The following IQUB variants were observed in gnomAD, a reference collection of about 807,000 sequenced individuals.
IQUB encodes the protein IQ motif and ubiquitin-like domain-containing protein.
IQUB carries 86 observed loss-of-function variants against 86.4 expected under a neutral mutation model. The observed-to-expected ratio is 1.00, with a 90% CI of 0.84 to 1.19. The LOEUF is 1.19. IQUB is among the 50% of genes most tolerant of loss of function. IQUB has a pLI of 0.00. For missense variants in IQUB, 946 were observed against 916.9 expected (o/e 1.03, Z -0.41); for synonymous variants, 289 against 304.5 (o/e 0.95, Z 0.53).
intron 12 of IQUB, among the ~76,000 whole-genome samples, chr7:123,453,936 T>C (rs1793570690): frequency 6.6e-6 from 1 of 152,172 alleles, no homozygotes; most frequent in Admixed American, 6.5e-5. Context: ...TTGGCCCTCT[T>C]TTCAATCAAA....
intron 1 of IQUB, among the ~76,000 whole-genome samples, chr7:123,530,091 C>T (rs575992976): frequency 6.6e-6 from 1 of 152,024 alleles, no homozygotes; most frequent in African/African-American, 2.4e-5. Flanking sequence ...AGCCTGCAAT[C>T]GCAGCTATTG....
rs1481396291 is a variant in IQUB at position 123,494,264 on chromosome 7, AT to A, written c.1234+2431del. On this transcript the variant is annotated intron_variant, in intron 7 of 12. Transcript: ENST00000324698. Reference sequence around the variant, plus strand: ...CATATTACCTTATACAGCTAAGTTTATTTTCTTAAATTAATATCATTTTGCT... The same window carrying A: ...CATATTACCTTATACAGCTAAGTTTATTTCTTAAATTAATATCATTTTGCT... 8.0e-4 allele frequency among the ~76,000 whole-genome samples: 121 copies of A among 152,176 alleles called. 1 individual carries two copies. Among genetic ancestry groups the A allele is most frequent in the Non-Finnish European group, 3.7e-4 (25 of 67,990 alleles).
chr7:123,478,979 A>G (rs941894941), intron 8 of IQUB, among the ~76,000 whole-genome samples: 6 of 152,148 alleles, frequency 3.9e-5, no homozygotes, highest in Non-Finnish European at 5.9e-5. Context: ...GGATGCAGGT[A>G]GTAGTTAAAG....
Position 123,471,292 on chromosome 7 carries a change from A to T in IQUB, c.1411-1908T>A, listed in dbSNP as rs567293108. Among the ~76,000 whole-genome samples the T allele has an allele frequency of 1.1e-4, 17 of 152,328 alleles. No homozygotes were observed. The South Asian group carries it at 3.1e-3, about 28-fold the overall frequency. The stretch of plus-strand genomic sequence containing the variant: ...ATCACTTAGGAATAAAATAATTTTT[A>T]AATGCATATAGCCTTATTTTGGGTA... On this transcript the variant is annotated intron_variant, in intron 8 of 12. Transcript: ENST00000324698.
intron 8 of IQUB, among the ~76,000 whole-genome samples, chr7:123,479,042 T>G (rs867143308): frequency 6.6e-6 from 1 of 152,098 alleles, no homozygotes; most frequent in African/African-American, 2.4e-5. Flanking sequence ...GAGGAGGGCA[T>G]TTAGAATATC....
intron 6 of IQUB, among the ~76,000 whole-genome samples, chr7:123,497,225 G>A (rs1383996691): frequency 6.6e-6 from 1 of 152,076 alleles, no homozygotes; most frequent in Non-Finnish European, 1.5e-5. Context: ...TAAGTTACTT[G>A]CCATCTCTAT....
intron 11 of IQUB, chr7:123,459,887 G>A (rs1793902152): frequency 6.6e-6 from 1 of 151,846 alleles, no homozygotes; most frequent in Admixed American, 6.6e-5. Context: ...CATTCTATTG[G>A]ACAAAATATG....
chr7:123,482,510 A>G (rs937634614), intron 7 of IQUB, among the ~76,000 whole-genome samples: 1 of 152,108 alleles, frequency 6.6e-6, no homozygotes, highest in African/African-American at 2.4e-5. Context: ...ATATAGAAAT[A>G]TTCCAATTGC....
chr7:123,469,819 T>C (rs1005745180), intron 8 of IQUB, among the ~76,000 whole-genome samples: 3 of 152,170 alleles, frequency 2.0e-5, no homozygotes, highest in African/African-American at 7.2e-5. Context: ...CCTAAAGATA[T>C]ACCAAAAAGG....
chr7:123,514,535 A>G (rs1364772352), intron 1 of IQUB, among the ~76,000 whole-genome samples: 6 of 152,036 alleles, frequency 3.9e-5, no homozygotes, highest in Non-Finnish European at 8.8e-5. Context: ...ACAATAATAT[A>G]TAATTGAGAA....
At chr7:123,510,571 T>C (rs184981843) in intron 2 of IQUB, among the ~76,000 whole-genome samples, 6 of 152,250 alleles carry the variant, frequency 3.9e-5, no homozygotes, top group African/African-American at 1.4e-4. Flanking sequence ...GTAATTAATA[T>C]GGGTAAACTG....
chr7:123,478,455 A>G (rs1248328151), intron 8 of IQUB, among the ~76,000 whole-genome samples: 2 of 152,148 alleles, frequency 1.3e-5, no homozygotes, highest in Non-Finnish European at 2.9e-5. Flanking sequence ...TAGCATTAGG[A>G]GAAATACCTA....
chr7:123,517,933 G>A (rs570102026), intron 1 of IQUB, among the ~76,000 whole-genome samples: 1 of 152,286 alleles, frequency 6.6e-6, no homozygotes, highest in Admixed American at 6.5e-5. Context: ...CGAAGGTATA[G>A]ATACCTAAAG....
At chr7:123,523,404 G>A (rs1797009410) in intron 1 of IQUB, among the ~76,000 whole-genome samples, 1 of 151,266 alleles carries the variant, frequency 6.6e-6, no homozygotes, top group South Asian at 2.1e-4. Context: ...TCTAACTGGT[G>A]TGAGATGATA....
intron 1 of IQUB, 27 bp from the exon 2 acceptor site, chr7:123,512,371 A>G: frequency 7.2e-7 from 1 of 1,379,740 alleles, no homozygotes. Context: ...AAACACATTT[A>G]CTACATAGAT....
intron 7 of IQUB, among the ~76,000 whole-genome samples, chr7:123,485,949 A>G (rs1795198285): frequency 6.6e-6 from 1 of 152,182 alleles, no homozygotes; most frequent in African/African-American, 2.4e-5. Context: ...CTGAGATAAG[A>G]GTCATTCAGG....
chr7:123,523,077 C>A (rs960328494), intron 1 of IQUB, among the ~76,000 whole-genome samples: 4 of 150,982 alleles, frequency 2.6e-5, no homozygotes, highest in African/African-American at 9.8e-5. Flanking sequence ...TGTATATGTG[C>A]CACATTTTCT....
At chr7:123,491,621 C>A (rs1206289752) in intron 7 of IQUB, among the ~76,000 whole-genome samples, 2 of 152,100 alleles carry the variant, frequency 1.3e-5, no homozygotes, top group Non-Finnish European at 2.9e-5. Flanking sequence ...CAATAACTAT[C>A]AAAGCTTACT....
chr7:123,532,390 A>G (rs1273977456), intron 1 of IQUB: 2 of 152,088 alleles, frequency 1.3e-5, no homozygotes, highest in Non-Finnish European at 1.5e-5. Flanking sequence ...CTGCCCATAA[A>G]TTTTGCAATC....
Sources: gnomAD v4.1 joint callset for allele counts (sites outside exome capture counted in the v4.1 genomes callset) on GRCh38, gnomAD v4.1.1 for gene constraint, MANE v1.5 for transcripts, NCBI Gene and HGNC (gene_info 2026-07-23, HGNC 2026-07-21) for gene names.